The following TEX10 variants were observed in gnomAD, a reference collection of about 807,000 sequenced individuals.
The protein encoded by TEX10 is testis expressed 10, also known as testis-expressed protein 10.
A neutral mutation model predicts 104.4 loss-of-function variants in TEX10; 24 were observed. The observed-to-expected ratio is 0.23, with a 90% CI of 0.17 to 0.32. The LOEUF (loss-of-function observed/expected upper bound fraction) is 0.32. TEX10 is among the 10% of genes least tolerant of loss of function. The pLI is 1.00. For missense variants in TEX10, 921 were observed against 1,083.9 expected (o/e 0.85, Z 2.11); for synonymous variants, 396 against 393.4 (o/e 1.01, Z -0.08).
At chr9:100,304,483 T>A (rs949183366) in intron 13 of TEX10, 1 of 152,602 alleles carries the variant, frequency 6.6e-6, no homozygotes, top group African/African-American at 2.4e-5. Flanking sequence ...GGGCAAGGAT[T>A]CCCTATTCAA....
intron 11 of TEX10, among the ~76,000 whole-genome samples, chr9:100,313,713 G>A (rs1834338335): frequency 6.6e-6 from 1 of 151,180 alleles, no homozygotes; most frequent in African/African-American, 2.4e-5. Flanking sequence ...GTGTGGTGGT[G>A]CATACCTGTA....
At chr9:100,335,496 C>T (rs931276156) in intron 5 of TEX10, among the ~76,000 whole-genome samples, 4 of 152,126 alleles carry the variant, frequency 2.6e-5, no homozygotes, top group East Asian at 3.9e-4. Flanking sequence ...CCACCACACC[C>T]GGACAAGGGT....
At chr9:100,320,535 T>A (rs1478614548) in intron 10 of TEX10, 137 bp from the exon 11 acceptor site, 2 of 929,410 alleles carry the variant, frequency 2.2e-6, no homozygotes, top group East Asian at 5.4e-5. Context: ...CTTCTGCATT[T>A]CATGCTATAT....
intron 9 of TEX10, among the ~76,000 whole-genome samples, chr9:100,325,833 T>C (rs1834692985): frequency 6.6e-6 from 1 of 152,092 alleles, no homozygotes; most frequent in African/African-American, 2.4e-5. Context: ...CTGGCAAAAC[T>C]TTTCAAGAAA....
chr9:100,309,871 G>C (rs779601000), intron 12 of TEX10, among the ~76,000 whole-genome samples: 5 of 152,198 alleles, frequency 3.3e-5, no homozygotes, highest in Non-Finnish European at 7.4e-5. Context: ...TCAGGGTTGA[G>C]TCTACAGCTG....
At chr9:100,334,175 G>A (rs1834945965) in intron 5 of TEX10, among the ~76,000 whole-genome samples, 2 of 151,686 alleles carry the variant, frequency 1.3e-5, no homozygotes, top group Non-Finnish European at 2.9e-5. Flanking sequence ...TAAATCCCAA[G>A]CAGAATAAAC....
intron 5 of TEX10, among the ~76,000 whole-genome samples, chr9:100,332,526 T>C (rs1429100346): frequency 6.6e-6 from 1 of 152,122 alleles, no homozygotes; most frequent in Non-Finnish European, 1.5e-5. Flanking sequence ...GTAATTATAA[T>C]ATTGCTCAAA....
intron 11 of TEX10, 68 bp downstream of exon 11, chr9:100,320,197 T>C (rs1834531384): frequency 7.0e-7 from 1 of 1,432,436 alleles, no homozygotes; most frequent in Non-Finnish European, 9.4e-7. Context: ...AACTCATATA[T>C]AGTAACTATT....
At chr9:100,317,535 A>G (rs961301542) in intron 11 of TEX10, among the ~76,000 whole-genome samples, 2 of 152,190 alleles carry the variant, frequency 1.3e-5, no homozygotes, top group African/African-American at 2.4e-5. Flanking sequence ...TATAAAAATA[A>G]TAAGAATCTA....
intron 5 of TEX10, among the ~76,000 whole-genome samples, chr9:100,337,876 T>C (rs981080789): frequency 1.5e-5 from 2 of 131,244 alleles, no homozygotes; most frequent in Non-Finnish European, 3.1e-5. Flanking sequence ...TGTCTGTTTA[T>C]CCTAATAAGC....
intron 5 of TEX10, 77 bp from the exon 6 acceptor site, chr9:100,330,246 A>G (rs1834823002): frequency 8.8e-7 from 1 of 1,137,424 alleles, no homozygotes; most frequent in Admixed American, 2.3e-5. Flanking sequence ...AAAATAATCT[A>G]TCAATGGAGT....
At chr9:100,305,742 T>C (rs1331400131) in intron 13 of TEX10, 2 of 152,146 alleles carry the variant, frequency 1.3e-5, no homozygotes, top group African/African-American at 4.8e-5. Flanking sequence ...AGGGCAAGGA[T>C]TTTCAACAGT....
intron 13 of TEX10, chr9:100,306,224 T>C (rs1834140326): frequency 6.6e-6 from 1 of 152,064 alleles, no homozygotes; most frequent in Non-Finnish European, 1.5e-5. Context: ...TAAAAGGAGT[T>C]TTTAGAAGAA....
chr9:100,339,965 C>T (rs1459466409), intron 5 of TEX10, among the ~76,000 whole-genome samples: 1 of 152,036 alleles, frequency 6.6e-6, no homozygotes, highest in Non-Finnish European at 1.5e-5. Flanking sequence ...CAGTGCCTCA[C>T]CCAAATAAAC....
chr9:100,314,534 GTTGT>G (rs1423837919), intron 11 of TEX10, among the ~76,000 whole-genome samples: 3 of 152,110 alleles, frequency 2.0e-5, no homozygotes, highest in African/African-American at 7.2e-5. Context: ...TAGGTATATA[GTTGT>G]TTGTAACAGT....
In TEX10 at chr9:100,321,468, C is replaced by T. The variant is rs373769205; in HGVS notation, c.2068+215G>A. Among the ~76,000 whole-genome samples the T allele has an allele frequency of 2.0e-5, 3 of 152,048 alleles. No individual in the cohort carries two copies. The East Asian group carries it at 5.8e-4, about 29-fold the overall frequency. On this transcript the variant is annotated intron_variant, in intron 10 of 14. Coordinates refer to ENST00000374902, the MANE Select transcript of TEX10 (RefSeq NM_017746.4). ...ACTCATACTATAAGAGATTTAAAGACAAATCATCCATCCTCCTGCCTCAGA... is the reference window on the plus strand; with the variant it reads ...ACTCATACTATAAGAGATTTAAAGATAAATCATCCATCCTCCTGCCTCAGA...
intron 4 of TEX10, among the ~76,000 whole-genome samples, chr9:100,343,529 T>C (rs1484477698): frequency 6.6e-6 from 1 of 151,850 alleles, no homozygotes; most frequent in Non-Finnish European, 1.5e-5. Context: ...AGCCACTGCA[T>C]GTAAGACTTA....
chr9:100,338,896 A>G lies in TEX10; in HGVS notation c.1250+1361T>C, dbSNP rs948076406. Among the ~76,000 whole-genome samples the G allele has an allele frequency of 4.6e-5, 7 of 152,088 alleles. 1 individual carries two copies. The highest frequency in any genetic ancestry group is 3.9e-4 in the Admixed American group (6 of 15,264). ...ACAGAGTGAGACTCTGTCTCAAAAAAAAATCACTGTCGCAGTTTCTGTTTC... is the reference window on the plus strand; with the variant it reads ...ACAGAGTGAGACTCTGTCTCAAAAAGAAATCACTGTCGCAGTTTCTGTTTC... On this transcript the variant is annotated intron_variant, in intron 5 of 14. Transcript: ENST00000374902.
At position 100,302,271 on chromosome 9, in the gene TEX10, G is replaced by C. The variant is rs1391721494; in HGVS notation, c.2710C>G (p.Leu904Val). ...LKSGSVQEQWLTDLHYCFNVY... is the reference protein window; with the variant it reads ...LKSGSVQEQWVTDLHYCFNVY... ...TTGAAGCAGTAATGTAAGTCTGTGA[G>C]CCACTGTTCCTGAACACTTCCACTC... Residue 904 changes from leucine (L) to valine (V), a missense_variant, in exon 15 of 15, where the codon CTC becomes GTC. Leu to Val is a conservative substitution (Grantham distance 32). Coordinates refer to ENST00000374902, the MANE Select transcript of TEX10 (RefSeq NM_017746.4). The C allele has an allele frequency of 8.1e-6, 13 of 1,613,648 alleles. No homozygotes were observed. Among genetic ancestry groups the C allele is most frequent in the Non-Finnish European group, 1.1e-5 (13 of 1,179,794 alleles).
Sources: gnomAD v4.1 joint callset for allele counts (sites outside exome capture counted in the v4.1 genomes callset) on GRCh38, gnomAD v4.1.1 for gene constraint, MANE v1.5 for transcripts, NCBI Gene and HGNC (gene_info 2026-07-23, HGNC 2026-07-21) for gene names.